ZC3H13: variants seen among roughly 807,000 people sequenced by gnomAD.
The protein encoded by ZC3H13 is zinc finger CCCH domain-containing protein 13.
ZC3H13 carries 64 observed loss-of-function variants against 204.1 expected under a neutral mutation model. That is an observed-to-expected ratio of 0.31 (90% confidence interval 0.26 to 0.39). The LOEUF (loss-of-function observed/expected upper bound fraction) is 0.39. Ranked by LOEUF, ZC3H13 falls within the 10% of genes least tolerant of loss-of-function variation. The probability of loss-of-function intolerance (pLI) is 1.00; values close to 1 mark genes in which losing one functional copy is unlikely to be tolerated. For missense variants in ZC3H13, 1,833 were observed against 2,082.7 expected, an observed-to-expected ratio of 0.88 and a Z score of 2.33; for synonymous variants, 667 against 693.7, an observed-to-expected ratio of 0.96 and a Z score of 0.60.
At chr13:45,959,321 C>CATATT (rs1951510862) in intron 18 of ZC3H13, among the ~76,000 whole-genome samples, 162 bp downstream of exon 18, 1 of 152,012 alleles carries the variant, frequency 6.6e-6, no homozygotes, top group African/African-American at 2.4e-5. Flanking sequence ...TAAAATAAAG[C>CATATT]ATATTATACA....
Position 45,967,561 on chromosome 13 carries a change from C to T in ZC3H13, c.4264G>A (p.Gly1422Arg), listed in dbSNP as rs1267757285. 2 of 1,608,536 alleles carry T rather than the reference C, an allele frequency of 1.2e-6. No individual in the cohort carries two copies. The highest frequency in any genetic ancestry group is 1.7e-6 in the Non-Finnish European group (2 of 1,177,646). Residue 1422 changes from glycine to arginine, a missense_variant, in exon 15 of 19, where the codon GGA (glycine) becomes AGA (arginine). This residue lies in a region of ZC3H13 where 1,574 missense variants were observed against 1,757.2 expected (regional missense o/e 0.90). Transcript: ENST00000679008. ...LDKERMDKDL[G>R]SVQGFEETNK... The stretch of plus-strand genomic sequence containing the variant: ...GTTTCTTCAAATCCCTGCACAGATC[C>T]CAGATCTTTATCCATTCTCTCTTTA...
intron 4 of ZC3H13, among the ~76,000 whole-genome samples, chr13:46,039,737 T>C (rs553367965): frequency 2.8e-4 from 42 of 152,340 alleles, no homozygotes; most frequent in South Asian, 1.2e-3. Flanking sequence ...TCAGAACTCA[T>C]AGTAAATTTT....
chr13:46,010,414 G>C lies in ZC3H13; in HGVS notation c.680C>G (p.Ser227Trp), dbSNP rs751291240. 2 of 1,613,652 alleles carry C rather than the reference G, an allele frequency of 1.2e-6. No homozygotes were observed. Among genetic ancestry groups the C allele is most frequent in the Non-Finnish European group, 1.7e-6 (2 of 1,179,772 alleles). Residue 227 changes from serine (S) to tryptophan (W), a missense_variant, in exon 7 of 19, where the codon TCG (serine) becomes TGG (tryptophan). Transcript: ENST00000679008. ...CCTATCTTTCTTGCTAGCTGAAGAC[G>C]ACTTCGGGCTTGATTTTCGCTTCGG... is the stretch of plus-strand genomic sequence containing the variant. ...KSPKRKSSPK[S>W]SSASKKDRKT...
Position 46,045,443 on chromosome 13 carries a change from C to T in ZC3H13, c.65G>A (p.Arg22Gln), listed in dbSNP as rs1187409271. ...AAGCCTCTCAAATACACTGGGTCTT[C>T]GGGATGTGCTATCAGATATAGTCTT... ...NTKTISDSTS[R>Q]RPSVFERLGP... The change falls in exon 2 of 19, where the codon CGA (arginine) becomes CAA (glutamine). Residue 22 changes from arginine (R) to glutamine (Q), a missense_variant. By Grantham distance (43) the Arg-to-Gln change is conservative. Transcript: ENST00000679008. 6.2e-7 allele frequency: 1 copy of T among 1,614,072 alleles called. No homozygotes were observed.
At chr13:46,008,240 T>C (rs2041289808) in intron 7 of ZC3H13, among the ~76,000 whole-genome samples, 1 of 151,426 alleles carries the variant, frequency 6.6e-6, no homozygotes, top group Non-Finnish European at 1.5e-5. Flanking sequence ...TCTGAGTTGA[T>C]AGTATGATCC....
intron 6 of ZC3H13, 110 bp downstream of exon 6, chr13:46,011,305 A>T: frequency 1.0e-6 from 1 of 967,676 alleles, no homozygotes; most frequent in Non-Finnish European, 1.5e-6. Context: ...TGGGTTGATC[A>T]ATATATCAGT....
chr13:45,981,253 A>T (rs892970783), intron 10 of ZC3H13, among the ~76,000 whole-genome samples: 4 of 152,238 alleles, frequency 2.6e-5, no homozygotes, highest in Non-Finnish European at 5.9e-5. Flanking sequence ...AGTTCACTCC[A>T]AACTTAAAAG....
chr13:45,985,338 A>T lies in ZC3H13; in HGVS notation c.1679T>A (p.Met560Lys), dbSNP rs1954078607. ...AGGAACCCTCCCCCTACTTCGGCCC[A>T]TTCGGTCATTTCTAATTTCACTTCG... ...ESRSEIRNDR[M>K]GRSRGRVPEL... Residue 560 changes from methionine to lysine, a missense_variant, in exon 10 of 19, where the codon ATG becomes AAG. Met to Lys is a moderately conservative substitution (Grantham distance 95, BLOSUM62 -1). Coordinates refer to ENST00000679008, the MANE Select transcript of ZC3H13 (RefSeq NM_001330564.2). 1 of 1,613,992 alleles carries T rather than the reference A, an allele frequency of 6.2e-7. No homozygotes were observed. Among genetic ancestry groups the T allele is most frequent in the African/African-American group, 1.3e-5 (1 of 74,914 alleles).
At chr13:45,992,400 G>A (rs1426145381) in intron 8 of ZC3H13, among the ~76,000 whole-genome samples, 4 of 152,156 alleles carry the variant, frequency 2.6e-5, no homozygotes, top group Non-Finnish European at 5.9e-5. Flanking sequence ...CTATGTGTGT[G>A]ACACTATTTT....
At chr13:46,006,274 G>A (rs914563530) in intron 7 of ZC3H13, among the ~76,000 whole-genome samples, 2 of 151,794 alleles carry the variant, frequency 1.3e-5, no homozygotes, top group East Asian at 1.9e-4. Context: ...CTGCTGCCCC[G>A]CCACCAAGTT....
At chr13:45,983,454 TCTCA>T (rs1953876823) in intron 10 of ZC3H13, among the ~76,000 whole-genome samples, 1 of 105,248 alleles carries the variant, frequency 9.5e-6, no homozygotes, top group Non-Finnish European at 1.8e-5. Flanking sequence ...TGAGACGGAG[TCTCA>T]CTCTTTCGCC....
chr13:46,025,123 T>C (rs573894769), intron 4 of ZC3H13, among the ~76,000 whole-genome samples: 1 of 152,218 alleles, frequency 6.6e-6, no homozygotes, highest in East Asian at 1.9e-4. Flanking sequence ...CTGCTACTAA[T>C]ATTCACTTAT....
Position 45,985,573 on chromosome 13 carries a change from T to C in ZC3H13, c.1444A>G (p.Met482Val). 2 of 1,614,070 alleles carry C rather than the reference T, an allele frequency of 1.2e-6. No homozygotes were observed. Among genetic ancestry groups the C allele is most frequent in the Non-Finnish European group, 1.7e-6 (2 of 1,180,012 alleles). Residue 482 changes from methionine to valine, a missense_variant, in exon 10 of 19, where the codon ATG becomes GTG. Physicochemically the swap from Met to Val is conservative, Grantham distance 21. This residue lies in a region of ZC3H13 where 1,574 missense variants were observed against 1,757.2 expected (regional missense o/e 0.90). Coordinates refer to ENST00000679008, the MANE Select transcript of ZC3H13 (RefSeq NM_001330564.2). ...DSRDMRDSRE[M>V]RDYSRDTKES... ...TTGGTATCTCTGCTATAATCTCTCA[T>C]CTCCCTTGAGTCCCGCATGTCTCTG...
intron 7 of ZC3H13, among the ~76,000 whole-genome samples, chr13:46,008,535 G>A (rs1180887093): frequency 2.6e-5 from 4 of 152,066 alleles, no homozygotes; most frequent in African/African-American, 9.7e-5. Flanking sequence ...TAATAAAGAA[G>A]CAAAAGAGAT....
At chr13:46,024,926 A>G (rs898854778) in intron 4 of ZC3H13, among the ~76,000 whole-genome samples, 4 of 152,166 alleles carry the variant, frequency 2.6e-5, no homozygotes, top group Non-Finnish European at 5.9e-5. Context: ...CTATGCCTAA[A>G]ATCAATTCCA....
At chr13:45,977,018 A>G (rs545073288) in intron 11 of ZC3H13, among the ~76,000 whole-genome samples, 40 of 152,340 alleles carry the variant, frequency 2.6e-4, no homozygotes, top group Admixed American at 1.9e-3. Context: ...ACAAATGATC[A>G]TAGCATTTTA....
Position 45,969,287 on chromosome 13 carries a change from G to A in ZC3H13, c.3257C>T (p.Thr1086Ile), listed in dbSNP as rs139597452. 76 of 1,613,764 alleles carry A rather than the reference G, an allele frequency of 4.7e-5. No homozygotes were observed. Among genetic ancestry groups the A allele is most frequent in the Non-Finnish European group, 6.2e-5 (73 of 1,180,012 alleles). The change falls in exon 14 of 19, where the codon ACC becomes ATC. Residue 1086 changes from threonine (T) to isoleucine (I), a missense_variant. By Grantham distance (89) the Thr-to-Ile change is moderately conservative. Around this residue, in one of 5 missense-constraint regions of ZC3H13, gnomAD observed 1,574 missense variants for 1,757.2 expected, o/e 0.90. Coordinates refer to ENST00000679008, the MANE Select transcript of ZC3H13 (RefSeq NM_001330564.2). ...TEVTEAEHTA[T>I]ATTPGSTPSP... ...AGGGGTACTACCAGGAGTCGTGGCG[G>A]TGGCAGTATGCTCTGCTTCTGTCAC...
chr13:45,996,821 T>A (rs2040371078), intron 8 of ZC3H13, among the ~76,000 whole-genome samples: 3 of 150,316 alleles, frequency 2.0e-5, no homozygotes, highest in African/African-American at 7.3e-5. Flanking sequence ...AAAAACTGTA[T>A]GCTGAGGTTG....
chr13:46,031,197 T>C (rs2042876160), intron 4 of ZC3H13, among the ~76,000 whole-genome samples: 1 of 151,824 alleles, frequency 6.6e-6, no homozygotes, highest in Admixed American at 6.6e-5. Context: ...TTTCAACAAA[T>C]CATGCTGAAA....
Sources: gnomAD v4.1 joint callset for allele counts (sites outside exome capture counted in the v4.1 genomes callset) on GRCh38, gnomAD v4.1.1 for gene constraint, gnomAD v4.1.1 regional missense constraint, MANE v1.5 for transcripts, NCBI Gene and HGNC (gene_info 2026-07-23, HGNC 2026-07-21) for gene names.